CPNE5: variants seen among roughly 807,000 people sequenced by gnomAD.
CPNE5 encodes copine-5.
In CPNE5, 42 loss-of-function variants were observed where a neutral mutation model predicts 81.1. The ratio of observed to expected loss-of-function variants is 0.52; its 90% CI spans 0.40 to 0.67. The LOEUF (loss-of-function observed/expected upper bound fraction) is 0.67, where lower values mean the gene tolerates loss of function less well. CPNE5 is among the 30% of genes least tolerant of loss of function. CPNE5 has a pLI of 0.00. For missense variants in CPNE5, 612 were observed against 815.5 expected (o/e 0.75, Z 3.04); for synonymous variants, 313 against 321.5 (o/e 0.97, Z 0.28).
intron 1 of CPNE5, among the ~76,000 whole-genome samples, chr6:36,836,600 C>A (rs62406639): frequency 6.6e-6 from 1 of 152,296 alleles, no homozygotes; most frequent in Non-Finnish European, 1.5e-5. Context: ...AGGGCAGAGC[C>A]TCCCCAGAGC....
chr6:36,746,731 A>C lies in CPNE5; in HGVS notation c.1019-154T>G, dbSNP rs1764210294. Among the ~76,000 whole-genome samples the C allele has an allele frequency of 6.6e-6, 1 of 151,874 alleles. No homozygotes were observed. The highest frequency in any genetic ancestry group is 1.5e-5 in the Non-Finnish European group (1 of 67,906). On this transcript the variant is annotated intron_variant, in intron 15 of 20. Transcript: ENST00000244751. The surrounding 1 kb of genome is among the most constrained non-coding windows in gnomAD (Gnocchi z 4.5). ...TACCCCATGTTAAATCCTTCAGCAA[A>C]ACAGATCTAGAATCCCTCCTCCGCC...
chr6:36,787,932 A>G (rs1768717949), intron 8 of CPNE5, among the ~76,000 whole-genome samples: 1 of 151,972 alleles, frequency 6.6e-6, no homozygotes, highest in Admixed American at 6.5e-5. Context: ...AGAGCAAGGC[A>G]GGTCTGGGTG....
chr6:36,784,738 T>A (rs1582877086), intron 8 of CPNE5, among the ~76,000 whole-genome samples: 1 of 152,090 alleles, frequency 6.6e-6, no homozygotes. Flanking sequence ...GCCCGGGATT[T>A]CGAGACCAGC....
At chr6:36,744,567 G>C (rs1763917098) in intron 18 of CPNE5, 1 of 571,022 alleles carries the variant, frequency 1.8e-6, no homozygotes. Flanking sequence ...ATGGGTCATA[G>C]GTCTGCTTTG....
chr6:36,779,968 ATTT>A (rs5875558), intron 8 of CPNE5, among the ~76,000 whole-genome samples: 72 of 139,320 alleles, frequency 5.2e-4, no homozygotes, highest in East Asian at 3.6e-3. Flanking sequence ...CCCCCTTCCT[ATTT>A]TTTTTTTTTT....
At chr6:36,790,196 T>TAACAC (rs1768959343) in intron 8 of CPNE5, among the ~76,000 whole-genome samples, 2 of 152,340 alleles carry the variant, frequency 1.3e-5, no homozygotes, top group African/African-American at 4.8e-5. Context: ...TCAGATGTTA[T>TAACAC]AACACATCAT....
chr6:36,748,209 C>T lies in CPNE5; in HGVS notation c.1018+12G>A, dbSNP rs1182947955. 3.7e-6 allele frequency: 6 copies of T among 1,613,500 alleles called. No homozygotes were observed. The South Asian group carries it at 4.4e-5, about 12-fold the overall frequency. On this transcript the variant is annotated intron_variant, in intron 15 of 20. Transcript: ENST00000244751. Reference sequence around the variant, plus strand: ...CCTCCCACCCTGCTCCTCTACCCATCCCCCAACTCACCATTGGAGGCAGTG... The same window carrying T: ...CCTCCCACCCTGCTCCTCTACCCATTCCCCAACTCACCATTGGAGGCAGTG...
At position 36,791,601 on chromosome 6, in the gene CPNE5, C is replaced by T. The variant is rs942191262; in HGVS notation, c.528+432G>A. Among the ~76,000 whole-genome samples the T allele has an allele frequency of 6.6e-5, 10 of 152,294 alleles. No individual in the cohort carries two copies. The East Asian group carries it at 1.2e-3, about 18-fold the overall frequency. On this transcript the variant is annotated intron_variant, in intron 8 of 20. Coordinates refer to ENST00000244751, the MANE Select transcript of CPNE5 (RefSeq NM_020939.2). ...ACAGACACACTCCATCCGCCCCATG[C>T]AGGGTGTCACCCTACTCCAGAGCTG...
At chr6:36,773,155 G>T (rs1351181077) in intron 10 of CPNE5, among the ~76,000 whole-genome samples, 1 of 152,124 alleles carries the variant, frequency 6.6e-6, no homozygotes, top group Non-Finnish European at 1.5e-5. Context: ...GGGATTACAG[G>T]CGTGAGCCAC....
chr6:36,784,117 T>C (rs1322083169), intron 8 of CPNE5, among the ~76,000 whole-genome samples: 2 of 152,230 alleles, frequency 1.3e-5, no homozygotes, highest in Non-Finnish European at 2.9e-5. Context: ...AATCCGCCAG[T>C]GTGCAACACT....
intron 14 of CPNE5, among the ~76,000 whole-genome samples, chr6:36,750,922 T>G (rs11757758): frequency 0.034 from 5,135 of 152,302 alleles, 108 homozygotes; most frequent in Non-Finnish European, 0.051. Context: ...GATCCTCTTG[T>G]GGGAAAATTA....
intron 7 of CPNE5, 170 bp from the exon 8 acceptor site, chr6:36,792,266 C>G: frequency 7.4e-7 from 1 of 1,346,354 alleles, no homozygotes; most frequent in Non-Finnish European, 1.0e-6. Context: ...GGCAGTGTGG[C>G]CTAGTGCACT....
chr6:36,768,222 G>GTTTTTTT (rs1554198661), intron 10 of CPNE5, among the ~76,000 whole-genome samples: 2 of 43,542 alleles, frequency 4.6e-5, no homozygotes, highest in East Asian at 7.4e-4. Flanking sequence ...TCTATTCACA[G>GTTTTTTT]TTCTTTTTTT....
intron 7 of CPNE5, among the ~76,000 whole-genome samples, chr6:36,792,713 G>A (rs543707543): frequency 2.6e-5 from 4 of 152,298 alleles, no homozygotes; most frequent in African/African-American, 4.8e-5. Context: ...ATCAAGGTCC[G>A]TGAAGTCGGT....
rs1769408523 is a variant in CPNE5, at chr6:36,794,665, G to A, written c.405-16C>T. 2.5e-6 allele frequency: 4 copies of A among 1,613,112 alleles called. No homozygotes were observed. Among genetic ancestry groups the A allele is most frequent in the Non-Finnish European group, 3.4e-6 (4 of 1,179,434 alleles). ...TGCGCCTATCCTGTGGAGAGAGAGG[G>A]GGAGAGAGAGCATGCCATGAGCTGA... On this transcript the variant is annotated splice_polypyrimidine_tract_variant and intron_variant, in intron 6 of 20. Transcript: ENST00000244751.
intron 1 of CPNE5, chr6:36,827,410 G>A: frequency 1.0e-6 from 1 of 985,396 alleles, no homozygotes; most frequent in Non-Finnish European, 1.2e-6. Context: ...GGTATAAAAT[G>A]GCAGTTCCTT....
chr6:36,786,726 G>C (rs1248347566), intron 8 of CPNE5, among the ~76,000 whole-genome samples: 1 of 152,100 alleles, frequency 6.6e-6, no homozygotes, highest in South Asian at 2.1e-4. Context: ...TTCTAAAAAT[G>C]TATAATGATA....
intron 10 of CPNE5, among the ~76,000 whole-genome samples, chr6:36,768,511 C>T (rs1766783724): frequency 1.3e-5 from 2 of 152,094 alleles, no homozygotes; most frequent in Non-Finnish European, 2.9e-5. Context: ...GGATTACAGG[C>T]GTGAACCAGC....
rs561356981 is a variant in CPNE5, at chr6:36,778,729, GC to G, written c.632+124del. On this transcript the variant is annotated intron_variant, in intron 9 of 20. Transcript: ENST00000244751. ...CCCCGGACTTCCACCCAGAGCCCTT[GC>G]CCTCTCTAGAGCAGAAGGAGATGGG... 29 of 696,376 alleles carry G rather than the reference GC, an allele frequency of 4.2e-5. No individual in the cohort carries two copies. The East Asian group carries it at 6.8e-4, about 16-fold the overall frequency. The allele number at this position is 696,376 out of a possible 1,614,324, so 43.1% of individuals were successfully genotyped here.
Sources: allele counts gnomAD v4.1 joint callset (sites outside exome capture counted in the v4.1 genomes callset), GRCh38; gene constraint gnomAD v4.1.1; non-coding constraint Gnocchi (gnomAD v3.1); transcripts MANE v1.5; gene names NCBI Gene and HGNC (gene_info 2026-07-23, HGNC 2026-07-21).